The following ADGRL3 variants were observed in gnomAD, a reference collection of about 807,000 sequenced individuals.
ADGRL3 encodes adhesion G protein-coupled receptor L3.
A neutral mutation model predicts 153.5 loss-of-function variants in ADGRL3; 62 were observed. The observed-to-expected ratio is 0.40, with a 90% CI of 0.33 to 0.50. ADGRL3 has a LOEUF of 0.50. Among genes scored for constraint, ADGRL3 ranks in the 20% least tolerant of loss-of-function variants. The pLI, the probability that ADGRL3 is intolerant of heterozygous loss-of-function variation, is 0.47. For missense variants in ADGRL3, 1,641 were observed against 1,859.4 expected, an observed-to-expected ratio of 0.88 and a Z score of 2.16; for synonymous variants, 710 against 672.5, an observed-to-expected ratio of 1.06 and a Z score of -0.86.
chr4:61,305,472 T>A (rs938095237), intron 1 of ADGRL3, among the ~76,000 whole-genome samples: 2 of 152,146 alleles, frequency 1.3e-5, no homozygotes, highest in Admixed American at 6.5e-5. Flanking sequence ...GTAGATGTAG[T>A]TGCTGTAGGA....
intron 5 of ADGRL3, among the ~76,000 whole-genome samples, chr4:61,616,818 A>AT: frequency 6.6e-6 from 1 of 152,048 alleles, no homozygotes; most frequent in South Asian, 2.1e-4. Context: ...TATCATTATT[A>AT]TTTTTTTAAC....
chr4:61,493,463 C>T (rs1321554205), intron 2 of ADGRL3, among the ~76,000 whole-genome samples: 1 of 152,146 alleles, frequency 6.6e-6, no homozygotes, highest in African/African-American at 2.4e-5. Flanking sequence ...TATAAAATAA[C>T]TTTCACCCAT....
At chr4:61,306,061 C>T (rs2094772389) in intron 1 of ADGRL3, among the ~76,000 whole-genome samples, 1 of 151,840 alleles carries the variant, frequency 6.6e-6, no homozygotes. Context: ...CTGGTTTGGT[C>T]ACAAGGATGA....
chr4:61,890,913 A>G (rs931541944), intron 9 of ADGRL3, among the ~76,000 whole-genome samples: 16 of 152,116 alleles, frequency 1.1e-4, no homozygotes, highest in African/African-American at 3.9e-4. Flanking sequence ...TATTGTAGGT[A>G]ATGTTTTCTT....
At chr4:62,006,032 A>ATATTTTTT (rs1203029363) in intron 21 of ADGRL3, among the ~76,000 whole-genome samples, 1 of 73,090 alleles carries the variant, frequency 1.4e-5, no homozygotes, top group African/African-American at 5.0e-5. Flanking sequence ...ATATATATAT[A>ATATTTTTT]TTTTTTTTTT....
intron 5 of ADGRL3, among the ~76,000 whole-genome samples, chr4:61,618,351 C>T (rs2092230986): frequency 6.6e-6 from 1 of 152,120 alleles, no homozygotes. Context: ...TCAGACAAAC[C>T]AAGATTGGGC....
At chr4:61,597,141 A>T (rs1039734573) in intron 5 of ADGRL3, among the ~76,000 whole-genome samples, 1 of 152,072 alleles carries the variant, frequency 6.6e-6, no homozygotes, top group African/African-American at 2.4e-5. Context: ...GCCCATAACT[A>T]TTAGTACTAT....
At chr4:61,279,656 G>T (rs1180053838) in intron 1 of ADGRL3, among the ~76,000 whole-genome samples, 2 of 152,100 alleles carry the variant, frequency 1.3e-5, no homozygotes, top group African/African-American at 4.8e-5. Flanking sequence ...TTTCTTCATG[G>T]ATTTACTTTT....
intron 9 of ADGRL3, among the ~76,000 whole-genome samples, chr4:61,855,987 G>C (rs550254711): frequency 5.9e-5 from 9 of 152,228 alleles, no homozygotes; most frequent in Admixed American, 1.3e-4. Flanking sequence ...TTACAGAACA[G>C]GTGAGTCCAG....
Position 61,484,020 on chromosome 4 carries a change from A to ATAT in ADGRL3, c.-173-13098_-173-13096dup, listed in dbSNP as rs1038450470. 2.0e-4 allele frequency among the ~76,000 whole-genome samples: 31 copies of ATAT among 152,080 alleles called. 1 individual carries two copies. Among genetic ancestry groups the ATAT allele is most frequent in the African/African-American group, 7.2e-4 (30 of 41,526 alleles). On this transcript the variant is annotated intron_variant, in intron 2 of 26. Transcript: ENST00000683033. ...ATAAATTCTGCTCATATATTTAAAG[A>ATAT]TATTAGCCAGATTAGTCCAGTGATT...
At chr4:61,795,260 T>C (rs1041530460) in intron 8 of ADGRL3, among the ~76,000 whole-genome samples, 24 of 152,082 alleles carry the variant, frequency 1.6e-4, no homozygotes, top group African/African-American at 5.8e-4. Context: ...CCTGAATGAG[T>C]GGGACTACAG....
chr4:61,378,924 A>G (rs2096636089), intron 1 of ADGRL3, among the ~76,000 whole-genome samples: 1 of 151,918 alleles, frequency 6.6e-6, no homozygotes, highest in East Asian at 1.9e-4. Flanking sequence ...ACGAAGTACA[A>G]ATTGTCTTGG....
chr4:61,406,414 A>G (rs961933005), intron 2 of ADGRL3, among the ~76,000 whole-genome samples: 5 of 151,856 alleles, frequency 3.3e-5, no homozygotes, highest in African/African-American at 1.2e-4. Flanking sequence ...TAAATTAATA[A>G]TACATTTTAT....
chr4:61,277,585 G>A (rs903319683), intron 1 of ADGRL3, among the ~76,000 whole-genome samples: 3 of 151,932 alleles, frequency 2.0e-5, no homozygotes, highest in African/African-American at 7.3e-5. Flanking sequence ...CAAAATCACA[G>A]GGATATAGTG....
intron 9 of ADGRL3, among the ~76,000 whole-genome samples, chr4:61,878,078 G>A (rs1457667841): frequency 6.6e-6 from 1 of 152,036 alleles, no homozygotes; most frequent in East Asian, 1.9e-4. Flanking sequence ...TGACCAATTT[G>A]GTATAAATTA....
intron 21 of ADGRL3, among the ~76,000 whole-genome samples, chr4:62,019,392 G>C (rs1256651126): frequency 6.6e-6 from 1 of 151,986 alleles, no homozygotes; most frequent in Non-Finnish European, 1.5e-5. Context: ...TCATCAGAGA[G>C]TAAACTCCAA....
At chr4:61,987,179 T>G (rs1448162901) in intron 19 of ADGRL3, among the ~76,000 whole-genome samples, 2 of 151,186 alleles carry the variant, frequency 1.3e-5, no homozygotes, top group African/African-American at 4.9e-5. Context: ...TTTTATTTAT[T>G]TTTGAGATGG....
chr4:61,359,704 G>A lies in ADGRL3; in HGVS notation c.-239-23420G>A, dbSNP rs112125276. On this transcript the variant is annotated intron_variant, in intron 1 of 26. Coordinates refer to ENST00000683033, the MANE Select transcript of ADGRL3 (RefSeq NM_001387552.1). ...CACTTTTATCACTGCTCACTGAATC[G>A]TACCTTGTATTTTATTTGTTTGTCA... Among the ~76,000 whole-genome samples the A allele has an allele frequency of 3.0e-4, 46 of 152,074 alleles. 1 individual carries two copies. The highest frequency in any genetic ancestry group is 1.0e-3 in the African/African-American group (43 of 41,482).
chr4:61,311,424 C>A (rs2095002071), intron 1 of ADGRL3, among the ~76,000 whole-genome samples: 1 of 152,146 alleles, frequency 6.6e-6, no homozygotes. Flanking sequence ...TCATTTGCAA[C>A]CTTACTGCAA....
Sources: allele counts gnomAD v4.1 joint callset (sites outside exome capture counted in the v4.1 genomes callset), GRCh38; gene constraint gnomAD v4.1.1; transcripts MANE v1.5; gene names NCBI Gene and HGNC (gene_info 2026-07-23, HGNC 2026-07-21).